WWC1: variants seen among roughly 807,000 people sequenced by gnomAD.
WWC1 encodes WW and C2 domain containing 1, also known as protein KIBRA.
A neutral mutation model predicts 138.4 loss-of-function variants in WWC1; 55 were observed. The observed-to-expected ratio is 0.40, with a 90% CI of 0.32 to 0.50. The LOEUF (loss-of-function observed/expected upper bound fraction) is 0.50. WWC1 is among the 20% of genes least tolerant of loss of function. The probability of loss-of-function intolerance (pLI) is 0.72; values close to 1 mark genes in which losing one functional copy is unlikely to be tolerated. For synonymous variants in WWC1, 524 were observed against 564.9 expected (o/e 0.93, Z 1.03); for missense variants, 1,226 against 1,420.4 (o/e 0.86, Z 2.20).
At chr5:168,315,603 T>C (rs1771516072) in intron 1 of WWC1, among the ~76,000 whole-genome samples, 1 of 152,082 alleles carries the variant, frequency 6.6e-6, no homozygotes, top group Admixed American at 6.5e-5. Flanking sequence ...GTAGTTTCTT[T>C]CTGCCTGACT....
At chr5:168,303,839 T>C (rs1770307060) in intron 1 of WWC1, among the ~76,000 whole-genome samples, 1 of 152,092 alleles carries the variant, frequency 6.6e-6, no homozygotes, top group South Asian at 2.1e-4. Context: ...CTTTCCCTAC[T>C]TCAACTCCAG....
intron 1 of WWC1, among the ~76,000 whole-genome samples, chr5:168,303,581 C>A (rs1270321954): frequency 1.3e-5 from 2 of 152,060 alleles, no homozygotes; most frequent in African/African-American, 2.4e-5. Flanking sequence ...TGCAGTCCAG[C>A]CTGGGTGACA....
At chr5:168,348,114 A>G (rs1160908052) in intron 1 of WWC1, among the ~76,000 whole-genome samples, 1 of 152,210 alleles carries the variant, frequency 6.6e-6, no homozygotes, top group East Asian at 1.9e-4. Flanking sequence ...GATGGGTGTT[A>G]CTGGCAGCCC....
chr5:168,461,044 C>G (rs1756759081), intron 20 of WWC1, among the ~76,000 whole-genome samples: 1 of 152,124 alleles, frequency 6.6e-6, no homozygotes, highest in African/African-American at 2.4e-5. Flanking sequence ...AACTAACCAA[C>G]CCAGCCGGGC....
intron 1 of WWC1, among the ~76,000 whole-genome samples, chr5:168,335,470 A>G (rs1773377564): frequency 6.6e-6 from 1 of 152,216 alleles, no homozygotes; most frequent in Non-Finnish European, 1.5e-5. Flanking sequence ...AAAGAAAGAA[A>G]GAACATCTAG....
rs766262865 is a variant in WWC1, at chr5:168,467,909, G to T, written c.3220G>T (p.Val1074Leu). 3.1e-6 allele frequency: 5 copies of T among 1,614,230 alleles called. 1 individual carries two copies. The South Asian group carries it at 5.5e-5, about 18-fold the overall frequency. ...DKMMRAAAKD[V>L]HRLRGQSCKE... Reference sequence around the variant, plus strand: ...GATGATGAGGGCAGCTGCCAAGGATGTGCACAGGCTCCGAGGCCAGAGCTG... The same window carrying T: ...GATGATGAGGGCAGCTGCCAAGGATTTGCACAGGCTCCGAGGCCAGAGCTG... Residue 1074 changes from valine to leucine, a missense_variant, in exon 22 of 23, where the codon GTG becomes TTG. Physicochemically the swap from Val to Leu is conservative, Grantham distance 32. Transcript: ENST00000265293.
chr5:168,364,990 T>C (rs928299546), intron 1 of WWC1, among the ~76,000 whole-genome samples: 4 of 152,198 alleles, frequency 2.6e-5, no homozygotes, highest in Non-Finnish European at 5.9e-5. Context: ...GAGAGATGGT[T>C]ATTTTTATCA....
At chr5:168,404,712 C>T (rs1012148013) in intron 5 of WWC1, among the ~76,000 whole-genome samples, 1 of 152,164 alleles carries the variant, frequency 6.6e-6, no homozygotes, top group Non-Finnish European at 1.5e-5. Flanking sequence ...GACTGTAAAA[C>T]TCCTTTTTCT....
At chr5:168,337,328 A>G (rs1393672885) in intron 1 of WWC1, among the ~76,000 whole-genome samples, 2 of 98,118 alleles carry the variant, frequency 2.0e-5, no homozygotes, top group African/African-American at 8.2e-5. Context: ...TTCATCTTTC[A>G]AAAGCTCCAT....
intron 1 of WWC1, among the ~76,000 whole-genome samples, chr5:168,328,473 C>T (rs1772755093): frequency 6.6e-6 from 1 of 152,156 alleles, no homozygotes; most frequent in Non-Finnish European, 1.5e-5. Context: ...GAATGCCATG[C>T]AACTGTAGTC....
chr5:168,385,549 C>T (rs749859939), intron 3 of WWC1, 135 bp downstream of exon 3: 27 of 820,906 alleles, frequency 3.3e-5, no homozygotes, highest in Non-Finnish European at 4.5e-5. Context: ...ATCTTGTTTA[C>T]TGCTCTTCCT....
intron 5 of WWC1, among the ~76,000 whole-genome samples, chr5:168,403,459 C>T (rs1293948037): frequency 2.6e-5 from 4 of 152,134 alleles, no homozygotes; most frequent in Non-Finnish European, 1.5e-5. Context: ...ACCAGCTAAG[C>T]TTCTTTGGGC....
chr5:168,385,916 A>G (rs902758563), intron 3 of WWC1, among the ~76,000 whole-genome samples: 5 of 152,142 alleles, frequency 3.3e-5, no homozygotes, highest in Non-Finnish European at 7.4e-5. Context: ...TCCATGGCCT[A>G]TACAGCCCTC....
At chr5:168,411,973 G>GA (rs1473018494) in intron 8 of WWC1, 2 of 985,062 alleles carry the variant, frequency 2.0e-6, no homozygotes, top group South Asian at 4.7e-5. Context: ...TGGTCAGGTA[G>GA]AAAAAAACAG....
chr5:168,464,905 A>G lies in WWC1; in HGVS notation c.3093A>G (p.Pro1031=). The change falls in exon 21 of 23, where the codon CCA becomes CCG. Residue 1031 remains proline, a synonymous_variant. Transcript: ENST00000265293. ...QAKSHGEKEL[P]QWLREDERFR... is the part of the protein sequence containing the mutation. ...AGAGCCACGGGGAGAAGGAGCTGCC[A>G]CAGTGGTTGCGTGAGGACGAGCGTT... 1 of 1,614,236 alleles carries G rather than the reference A, an allele frequency of 6.2e-7. No homozygotes were observed. Among genetic ancestry groups the G allele is most frequent in the South Asian group, 1.1e-5 (1 of 91,084 alleles).
At chr5:168,420,649 CG>C (rs909318540) in intron 9 of WWC1, among the ~76,000 whole-genome samples, 1 of 152,138 alleles carries the variant, frequency 6.6e-6, no homozygotes, top group African/African-American at 2.4e-5. Context: ...TCTCTTCCCC[CG>C]GGATCCTCTG....
intron 2 of WWC1, among the ~76,000 whole-genome samples, chr5:168,372,266 C>CGG (rs139984068): frequency 1.5e-3 from 234 of 151,928 alleles, no homozygotes; most frequent in African/African-American, 5.2e-3. Flanking sequence ...AATCCTCCAG[C>CGG]GGGGGAGAGT....
rs546683441 is a variant in WWC1 at position 168,378,103 on chromosome 5, G to GA, written c.229+6576dup. Reference sequence around the variant, plus strand: ...TGGAATACTATACAGTCATTAAAAAGAAAAAATCATGTCCTTTGCTGCAAC... The same window carrying GA: ...TGGAATACTATACAGTCATTAAAAAGAAAAAAATCATGTCCTTTGCTGCAAC... On this transcript the variant is annotated intron_variant, in intron 2 of 22. Coordinates refer to ENST00000265293, the MANE Select transcript of WWC1 (RefSeq NM_015238.3). Among the ~76,000 whole-genome samples the GA allele has an allele frequency of 7.9e-4, 120 of 152,232 alleles. No individual in the cohort carries two copies. The Middle Eastern group carries it at 0.01, about 13-fold the overall frequency.
chr5:168,380,782 A>G (rs1296435191), intron 2 of WWC1, among the ~76,000 whole-genome samples: 1 of 152,218 alleles, frequency 6.6e-6, no homozygotes, highest in African/African-American at 2.4e-5. Flanking sequence ...AGACAATGTG[A>G]TGTATTCATA....
Sources: gnomAD v4.1 joint callset for allele counts (sites outside exome capture counted in the v4.1 genomes callset) on GRCh38, gnomAD v4.1.1 for gene constraint, MANE v1.5 for transcripts, NCBI Gene and HGNC (gene_info 2026-07-23, HGNC 2026-07-21) for gene names.